Variants in SUGP2 observed in about 807,000 individuals in gnomAD.
SUGP2 encodes the protein SURP and G-patch domain containing 2.
SUGP2 carries 24 observed loss-of-function variants against 90.5 expected under a neutral mutation model. The ratio of observed to expected loss-of-function variants is 0.27; its 90% CI spans 0.19 to 0.37. The LOEUF (loss-of-function observed/expected upper bound fraction) is 0.37. SUGP2 is among the 10% of genes least tolerant of loss of function. The pLI is 1.00. For missense variants in SUGP2, 1,233 were observed against 1,363.3 expected (o/e 0.90, Z 1.51); for synonymous variants, 473 against 513.4 (o/e 0.92, Z 1.06).
intron 3 of SUGP2, among the ~76,000 whole-genome samples, chr19:19,019,835 TA>T (rs113866266): frequency 0.042 from 4,750 of 111,862 alleles, 261 homozygotes; most frequent in African/African-American, 0.14. Context: ...TTTCTCCAAT[TA>T]AAAAAAAAAA....
rs531019842 is a variant in SUGP2, at chr19:19,022,606, CAG to C, written c.1729+2011_1729+2012del. The stretch of plus-strand genomic sequence containing the variant: ...CAGCATGCCTGCAGCTGCAGGAAAA[CAG>C]GGGGAACATCAAAGACTGTGGGAGG... On this transcript the variant is annotated intron_variant, in intron 3 of 10. Coordinates refer to ENST00000452918, the MANE Select transcript of SUGP2 (RefSeq NM_001017392.5). Among the ~76,000 whole-genome samples the C allele has an allele frequency of 1.5e-3, 230 of 152,292 alleles. 3 individuals carry two copies. The highest frequency in any genetic ancestry group is 0.013 in the Admixed American group (206 of 15,298).
intron 8 of SUGP2, among the ~76,000 whole-genome samples, chr19:18,995,534 G>C (rs1355649599): frequency 6.6e-6 from 1 of 152,234 alleles, no homozygotes. Context: ...CCAAGACTGT[G>C]AGGAAAACTG....
upstream of SUGP2, chr19:19,033,634 C>T (rs2059288935): frequency 1.4e-5 from 16 of 1,127,372 alleles, no homozygotes; most frequent in Non-Finnish European, 1.8e-5. Context: ...AGCGCGCTGT[C>T]CGCTTCTTCT....
At chr19:18,999,771 CAT>C (rs1364165851) in intron 8 of SUGP2, among the ~76,000 whole-genome samples, 4 of 152,228 alleles carry the variant, frequency 2.6e-5, no homozygotes. Flanking sequence ...AGTCTCTCCA[CAT>C]GTGTCCCAGG....
intron 4 of SUGP2, among the ~76,000 whole-genome samples, chr19:19,011,915 G>A (rs1184640214): frequency 6.6e-6 from 1 of 152,202 alleles, no homozygotes; most frequent in Admixed American, 6.5e-5. Context: ...TGTTAAAGAA[G>A]AATATTGCTT....
chr19:18,995,247 G>C lies in SUGP2; in HGVS notation c.3025C>G (p.Leu1009Val), dbSNP rs755350688. The C allele has an allele frequency of 6.2e-7, 1 of 1,611,986 alleles. No individual in the cohort carries two copies. Among genetic ancestry groups the C allele is most frequent in the South Asian group, 1.1e-5 (1 of 90,918 alleles). The stretch of plus-strand genomic sequence containing the variant: ...TGGAAGCCCAGGTTCTTATCGGTCA[G>C]CTTCTGCTGGGCGAAGTCCAAGTCC... ...PKDLDFAQQKLTDKNLGFQML... is the reference protein window; with the variant it reads ...PKDLDFAQQKVTDKNLGFQML... The change falls in exon 9 of 11, where the codon CTG becomes GTG. Residue 1009 changes from leucine (L) to valine (V), a missense_variant. Around this residue, in one of 8 missense-constraint regions of SUGP2, gnomAD observed 105 missense variants for 155.2 expected, o/e 0.68. Coordinates refer to ENST00000452918, the MANE Select transcript of SUGP2 (RefSeq NM_001017392.5).
rs372273190 is a variant in SUGP2 at position 19,010,166 on chromosome 19, G to C, written c.2027C>G (p.Pro676Arg). The C allele has an allele frequency of 1.9e-6, 3 of 1,613,640 alleles. No individual in the cohort carries two copies. In the South Asian group the frequency reaches 3.3e-5, roughly 18 times the overall value. Residue 676 changes from proline to arginine, a missense_variant, in exon 5 of 11, where the codon CCG (proline) becomes CGG (arginine). Physicochemically the swap from Pro to Arg is moderately radical, Grantham distance 103 (BLOSUM62 -2). Transcript: ENST00000452918. The part of the protein sequence containing the change: ...AVRNLKKKLL[P>R]WQRRGLLRAQ... Reference sequence around the variant, plus strand: ...ACGGAGGAGCCCCCGCCGCTGCCACGGAAGGAGTTTCTTCTTGAGGTTGCG... The same window carrying C: ...ACGGAGGAGCCCCCGCCGCTGCCACCGAAGGAGTTTCTTCTTGAGGTTGCG...
In SUGP2 at chr19:19,010,864, G is replaced by A. The variant is rs558582825; in HGVS notation, c.1851-522C>T. ...TACTAACAGAAAAATATTCAGCTGG[G>A]CGTGGTGGCTCACACCTGTAATCCC... On this transcript the variant is annotated intron_variant, in intron 4 of 10. Coordinates refer to ENST00000452918, the MANE Select transcript of SUGP2 (RefSeq NM_001017392.5). Among the ~76,000 whole-genome samples the A allele has an allele frequency of 5.3e-5, 8 of 152,266 alleles. No individual in the cohort carries two copies. In the South Asian group the frequency reaches 1.7e-3, roughly 32 times the overall value.
rs2058863796 is a variant in SUGP2, at chr19:19,024,885, G to A, written c.1463C>T (p.Ser488Phe). ...CTCCTGCCGGAAAGAAGAGGCCAAG[G>A]AAAATGTCTGTCCCAAAAGGGCCAA... is the stretch of plus-strand genomic sequence containing the variant. The part of the protein sequence containing the change: ...KSLALLGQTF[S>F]LASSFRQEKI... The change falls in exon 3 of 11, where the codon TCC becomes TTC. Residue 488 changes from serine to phenylalanine, a missense_variant. Physicochemically the swap from Ser to Phe is radical, Grantham distance 155. Around this residue, in one of 8 missense-constraint regions of SUGP2, gnomAD observed 59 missense variants for 92.6 expected, o/e 0.64. Transcript: ENST00000452918. 6.2e-7 allele frequency: 1 copy of A among 1,614,204 alleles called. No homozygotes were observed. Among genetic ancestry groups the A allele is most frequent in the Non-Finnish European group, 8.5e-7 (1 of 1,180,046 alleles).
intron 3 of SUGP2, among the ~76,000 whole-genome samples, chr19:19,022,805 T>C (rs1208156873): frequency 2.0e-5 from 3 of 152,108 alleles, no homozygotes; most frequent in Admixed American, 6.6e-5. Context: ...GTGGGACCTA[T>C]CTAGTGTCTA....
In SUGP2 at chr19:19,009,289, A is replaced by G. The variant is rs544690775; in HGVS notation, c.2338+566T>C. Among the ~76,000 whole-genome samples the G allele has an allele frequency of 6.6e-5, 10 of 152,298 alleles. No homozygotes were observed. In the South Asian group the frequency reaches 2.1e-3, roughly 32 times the overall value. On this transcript the variant is annotated intron_variant, in intron 5 of 10. Coordinates refer to ENST00000452918, the MANE Select transcript of SUGP2 (RefSeq NM_001017392.5). ...CCTAAATAATGCAGCAGTTGTGGACACTTTTTTGCTCTCTCCTTCCCACTT... is the reference window on the plus strand; with the variant it reads ...CCTAAATAATGCAGCAGTTGTGGACGCTTTTTTGCTCTCTCCTTCCCACTT...
At position 19,028,249 on chromosome 19, in the gene SUGP2, G is replaced by A. The variant is rs533372334; in HGVS notation, c.122-2023C>T. On this transcript the variant is annotated intron_variant, in intron 2 of 10. Transcript: ENST00000452918. ...GTGACGCTAACGTGCTACAAAGTTA[G>A]GGAACCACTAATATAAGAGACACAA... Among the ~76,000 whole-genome samples the A allele has an allele frequency of 3.3e-5, 5 of 152,310 alleles. No individual in the cohort carries two copies. The South Asian group carries it at 8.3e-4, about 25-fold the overall frequency.
At chr19:19,007,075 G>A (rs776844122) in intron 6 of SUGP2, among the ~76,000 whole-genome samples, 7 of 152,224 alleles carry the variant, frequency 4.6e-5, no homozygotes, top group Admixed American at 6.5e-5. Context: ...GGGAAGATGG[G>A]TGCCTCCTAC....
chr19:19,029,336 G>A (rs1298104493), intron 2 of SUGP2, among the ~76,000 whole-genome samples: 23 of 151,282 alleles, frequency 1.5e-4, no homozygotes, highest in Non-Finnish European at 2.7e-4. Context: ...GGGTTTCACC[G>A]TGTTAGCCAG....
rs377184418 is a variant in SUGP2, at chr19:19,008,303, G to A, written c.2450+14C>T. The stretch of plus-strand genomic sequence containing the variant: ...GAAAGAAAAAGGTGTGATGAGACCC[G>A]GGGGGGTACGTACCACAGGTCAGGG... On this transcript the variant is annotated intron_variant, in intron 6 of 10. Coordinates refer to ENST00000452918, the MANE Select transcript of SUGP2 (RefSeq NM_001017392.5). The A allele has an allele frequency of 3.1e-5, 48 of 1,572,746 alleles. No homozygotes were observed. The highest frequency in any genetic ancestry group is 6.6e-5 in the South Asian group (6 of 90,240).
intron 2 of SUGP2, among the ~76,000 whole-genome samples, chr19:19,029,269 G>A (rs981349218): frequency 1.3e-5 from 2 of 151,616 alleles, no homozygotes; most frequent in Non-Finnish European, 2.9e-5. Context: ...AGCCTCCTGA[G>A]TAGCTGGGAC....
intron 4 of SUGP2, among the ~76,000 whole-genome samples, chr19:19,014,694 G>A (rs2058431156): frequency 6.6e-6 from 1 of 151,878 alleles, no homozygotes; most frequent in African/African-American, 2.4e-5. Flanking sequence ...TCAGCTACTT[G>A]GGAGGCTGAG....
intron 8 of SUGP2, among the ~76,000 whole-genome samples, chr19:19,001,295 C>T (rs1245238221): frequency 2.6e-5 from 4 of 152,270 alleles, no homozygotes; most frequent in African/African-American, 9.6e-5. Context: ...GGATTACAGG[C>T]GTGAGCCACC....
chr19:19,019,030 C>T (rs2058608883), intron 4 of SUGP2, 79 bp downstream of exon 4: 1 of 1,496,790 alleles, frequency 6.7e-7, no homozygotes, highest in African/African-American at 1.4e-5. Context: ...ACCCTCTGCT[C>T]TCAATACCAT....
Sources: gnomAD v4.1 joint callset for allele counts (sites outside exome capture counted in the v4.1 genomes callset) on GRCh38, gnomAD v4.1.1 for gene constraint, gnomAD v4.1.1 regional missense constraint, MANE v1.5 for transcripts, NCBI Gene and HGNC (gene_info 2026-07-23, HGNC 2026-07-21) for gene names.